Variants in ACVR1 observed in about 807,000 individuals in gnomAD.
ACVR1 encodes the protein activin receptor type-1.
ACVR1 carries 38 observed loss-of-function variants against 57.1 expected under a neutral mutation model. That is an observed-to-expected ratio of 0.67 (90% CI 0.51 to 0.87). ACVR1 has a LOEUF of 0.87. ACVR1 is among the 40% of genes least tolerant of loss of function. The pLI is 0.00. For missense variants in ACVR1, 463 were observed against 638.2 expected (o/e 0.73, Z 2.96); for synonymous variants, 212 against 228.1 (o/e 0.93, Z 0.63).
chr2:157,869,326 A>G (rs1690040973), intron 1 of ACVR1, among the ~76,000 whole-genome samples: 1 of 152,190 alleles, frequency 6.6e-6, no homozygotes, highest in South Asian at 2.1e-4. Flanking sequence ...AATGACAGAA[A>G]TCCACACAAA....
chr2:157,738,375 C>A, intron 10 of ACVR1, 65 bp downstream of exon 10: 1 of 1,611,804 alleles, frequency 6.2e-7, no homozygotes, highest in Non-Finnish European at 8.5e-7. Flanking sequence ...CCAGTTGAAA[C>A]TCAAAGGGAA....
chr2:157,808,668 T>A (rs1687644110), intron 2 of ACVR1, among the ~76,000 whole-genome samples: 1 of 152,126 alleles, frequency 6.6e-6, no homozygotes, highest in Non-Finnish European at 1.5e-5. Flanking sequence ...TGAGACAGCG[T>A]CTGTCTCTTG....
chr2:157,738,307 T>G, intron 10 of ACVR1, 133 bp downstream of exon 10: 1 of 1,354,522 alleles, frequency 7.4e-7, no homozygotes, highest in South Asian at 1.2e-5. Flanking sequence ...TAAACCCTTC[T>G]ATATAAAATA....
chr2:157,760,508 A>G (rs1186130100), intron 9 of ACVR1, among the ~76,000 whole-genome samples: 1 of 152,204 alleles, frequency 6.6e-6, no homozygotes, highest in African/African-American at 2.4e-5. Context: ...TACAGCCTAA[A>G]TGTCCTGATT....
At chr2:157,799,822 G>T (rs1191891040) in intron 2 of ACVR1, among the ~76,000 whole-genome samples, 1 of 152,128 alleles carries the variant, frequency 6.6e-6, no homozygotes, top group Admixed American at 6.6e-5. Context: ...TTTTAGGTTT[G>T]AATTTTATCT....
chr2:157,783,891 A>G (rs752078959), intron 3 of ACVR1, among the ~76,000 whole-genome samples: 5 of 152,248 alleles, frequency 3.3e-5, no homozygotes, highest in Admixed American at 1.3e-4. Flanking sequence ...CCCTAAATTC[A>G]TAAGAATGAC....
At chr2:157,774,711 A>AAT (rs1326553001) in intron 5 of ACVR1, among the ~76,000 whole-genome samples, 1 of 152,212 alleles carries the variant, frequency 6.6e-6, no homozygotes, top group Non-Finnish European at 1.5e-5. Flanking sequence ...CACTTCACCT[A>AAT]ATATATGATA....
chr2:157,835,093 TA>T (rs1465793473), intron 1 of ACVR1, among the ~76,000 whole-genome samples: 1 of 152,158 alleles, frequency 6.6e-6, no homozygotes, highest in Non-Finnish European at 1.5e-5. Flanking sequence ...CCATATAGAC[TA>T]AAAATGCAAC....
intron 1 of ACVR1, among the ~76,000 whole-genome samples, chr2:157,827,275 T>C (rs963877799): frequency 6.6e-6 from 1 of 152,202 alleles, no homozygotes; most frequent in African/African-American, 2.4e-5. Flanking sequence ...CATGTAGGCA[T>C]TTCTAAAGCT....
intron 2 of ACVR1, among the ~76,000 whole-genome samples, chr2:157,813,536 C>A (rs1262006106): frequency 6.6e-6 from 1 of 152,180 alleles, no homozygotes; most frequent in Non-Finnish European, 1.5e-5. Context: ...TGATGTCTGC[C>A]GTTTCTGATC....
intron 9 of ACVR1, among the ~76,000 whole-genome samples, chr2:157,754,512 A>G (rs1277458653): frequency 2.6e-5 from 4 of 152,200 alleles, no homozygotes; most frequent in Non-Finnish European, 5.9e-5. Flanking sequence ...CCTAGAGGAG[A>G]TAGATAAATT....
chr2:157,862,096 T>G (rs1689739299), intron 1 of ACVR1, among the ~76,000 whole-genome samples: 2 of 152,192 alleles, frequency 1.3e-5, no homozygotes, highest in African/African-American at 4.8e-5. Flanking sequence ...TTAAAGATTG[T>G]CTCTTCAAAA....
intron 8 of ACVR1, among the ~76,000 whole-genome samples, chr2:157,763,645 C>T (rs1685748425): frequency 6.6e-6 from 1 of 152,128 alleles, no homozygotes; most frequent in East Asian, 1.9e-4. Context: ...TTGCTTAAGC[C>T]CAGTAGATCG....
intron 1 of ACVR1, among the ~76,000 whole-genome samples, chr2:157,863,045 A>T (rs1184116356): frequency 2.1e-5 from 2 of 93,924 alleles, no homozygotes; most frequent in African/African-American, 4.2e-5. Context: ...TTTTTTTGAG[A>T]CAGTCTCACT....
At chr2:157,802,086 A>T (rs994284897) in intron 2 of ACVR1, among the ~76,000 whole-genome samples, 1 of 152,228 alleles carries the variant, frequency 6.6e-6, no homozygotes, top group Non-Finnish European at 1.5e-5. Context: ...TGTGTTAACA[A>T]AACAACTTGA....
intron 1 of ACVR1, among the ~76,000 whole-genome samples, chr2:157,821,384 G>T (rs943650542): frequency 1.3e-5 from 2 of 152,060 alleles, no homozygotes; most frequent in African/African-American, 4.8e-5. Context: ...AATTAGCCTG[G>T]CGTGGTGGCA....
At chr2:157,781,132 A>G (rs1686506188) in intron 3 of ACVR1, among the ~76,000 whole-genome samples, 1 of 152,230 alleles carries the variant, frequency 6.6e-6, no homozygotes. Flanking sequence ...ATATACTACA[A>G]ACTGAGTATC....
chr2:157,876,303 TGCG>T lies in ACVR1; in HGVS notation c.-693_-691del, dbSNP rs564072145. ...GTTCCCCCTGCGCCGAGGGGGAGGCTGCGGCGGCGGCGGCGGCTGCAAAGAGCA... is the reference window on the plus strand; with the variant it reads ...GTTCCCCCTGCGCCGAGGGGGAGGCTGCGGCGGCGGCGGCTGCAAAGAGCA... On this transcript the variant is annotated 5_prime_UTR_variant, in exon 1 of 11. Coordinates refer to ENST00000434821, the MANE Select transcript of ACVR1 (RefSeq NM_001111067.4). Among the ~76,000 whole-genome samples the T allele has an allele frequency of 3.8e-5, 5 of 132,894 alleles. No individual in the cohort carries two copies. Among genetic ancestry groups the T allele is most frequent in the Admixed American group, 7.4e-5 (1 of 13,560 alleles). 87.2% of individuals were successfully genotyped at this position (132,894 alleles called of 152,430 possible).
At chr2:157,839,534 G>A (rs761134399) in intron 1 of ACVR1, among the ~76,000 whole-genome samples, 1 of 152,182 alleles carries the variant, frequency 6.6e-6, no homozygotes, top group South Asian at 2.1e-4. Flanking sequence ...AATGGAACAC[G>A]TGTTTTCAGA....
Sources: allele counts gnomAD v4.1 joint callset (sites outside exome capture counted in the v4.1 genomes callset), GRCh38; gene constraint gnomAD v4.1.1; transcripts MANE v1.5; gene names NCBI Gene and HGNC (gene_info 2026-07-23, HGNC 2026-07-21).